Variants in OSBP2 observed in about 807,000 individuals in gnomAD.
OSBP2 encodes the protein oxysterol binding protein 2.
Under a neutral mutation model 96.0 loss-of-function variants are expected in OSBP2, and 66 were observed. The ratio of observed to expected loss-of-function variants is 0.69; its 90% CI spans 0.56 to 0.84. The LOEUF is 0.84. Among genes scored for constraint, OSBP2 ranks in the 40% least tolerant of loss-of-function variants. OSBP2 has a pLI of 0.00. For synonymous variants in OSBP2, 525 were observed against 520.9 expected, an observed-to-expected ratio of 1.01 and a Z score of -0.11; for missense variants, 1,038 against 1,222.7, an observed-to-expected ratio of 0.85 and a Z score of 2.25.
At chr22:30,730,752 CTCTCTCTCTCTCT>C (rs1486319542) in intron 1 of OSBP2, among the ~76,000 whole-genome samples, 1 of 44,566 alleles carries the variant, frequency 2.2e-5, no homozygotes, top group Non-Finnish European at 4.4e-5. Flanking sequence ...CTCTCTCTCT[CTCTCTCTCTCTCT>C]CTCTCTCTCT....
chr22:30,754,212 A>C (rs1405481886), intron 2 of OSBP2, among the ~76,000 whole-genome samples: 1 of 152,038 alleles, frequency 6.6e-6, no homozygotes, highest in Non-Finnish European at 1.5e-5. Flanking sequence ...AACTCCCTGG[A>C]TGTGTTTTCC....
intron 1 of OSBP2, 96 bp from the exon 2 acceptor site, chr22:30,741,065 G>A: frequency 1.1e-6 from 1 of 952,126 alleles, no homozygotes; most frequent in Non-Finnish European, 1.6e-6. Flanking sequence ...CCAGCTCTGA[G>A]GGTCTGAGAT....
Position 30,888,314 on chromosome 22 carries a change from C to A in OSBP2, c.1392C>A (p.Thr464=). 6.2e-7 allele frequency: 1 copy of A among 1,612,634 alleles called. No individual in the cohort carries two copies. Among genetic ancestry groups the A allele is most frequent in the Non-Finnish European group, 8.5e-7 (1 of 1,178,768 alleles). The change falls in exon 5 of 14, where the codon ACC becomes ACA. Residue 464 remains threonine, a synonymous_variant. Coordinates refer to ENST00000332585, the MANE Select transcript of OSBP2 (RefSeq NM_030758.4). ...DAMEDSTSFI[T]VITEAKEDSR... ...TGGAAGACTCCACATCCTTCATCAC[C>A]GTGATCACCGAGGCCAAGGAAGACA... is the stretch of plus-strand genomic sequence containing the variant.
At position 30,741,353 on chromosome 22, in the gene OSBP2, G is replaced by A; in HGVS notation, c.837G>A (p.Val279=). 1.2e-6 allele frequency: 2 copies of A among 1,609,774 alleles called. No homozygotes were observed. The highest frequency in any genetic ancestry group is 1.1e-5 in the South Asian group (1 of 90,954). ...LELAKAKAVR[V]MNTHSDDSGD... is the part of the protein sequence containing the mutation. ...TGGCCAAGGCCAAGGCTGTCCGCGT[G>A]ATGAACACTCATTCAGGTAGTGAGC... The change falls in exon 2 of 14, where the codon GTG becomes GTA. Residue 279 remains valine, a synonymous_variant. Coordinates refer to ENST00000332585, the MANE Select transcript of OSBP2 (RefSeq NM_030758.4).
chr22:30,843,529 AG>A (rs1283706346), intron 2 of OSBP2, among the ~76,000 whole-genome samples: 1 of 151,110 alleles, frequency 6.6e-6, no homozygotes, highest in Non-Finnish European at 1.5e-5. Flanking sequence ...GCTGTCATTC[AG>A]GCTTCATTGT....
rs539407247 is a variant in OSBP2, at chr22:30,874,194, AC to A, written c.1107+3514del. On this transcript the variant is annotated intron_variant, in intron 3 of 13. Transcript: ENST00000332585. ...AGAGGTTGCAGTGAGCCAAGATCGC[AC>A]CACTGCATTCCAAACTGAACGACAG... Among the ~76,000 whole-genome samples the A allele has an allele frequency of 5.9e-5, 9 of 152,032 alleles. 1 individual carries two copies. The East Asian group carries it at 1.7e-3, about 30-fold the overall frequency.
rs767170279 is a variant in OSBP2, at chr22:30,906,249, G to A, written c.2661G>A (p.Pro887=). The change falls in exon 14 of 14, where the codon CCG becomes CCA. Residue 887 remains proline (P), a synonymous_variant. Transcript: ENST00000332585. ...TPLWFEKRLD[P]LTGEMACVYK... ...TGTGGTTTGAGAAGAGGCTGGATCC[G>A]CTGACCGGGGAGATGGCCTGTGTGT... 3.1e-6 allele frequency: 5 copies of A among 1,614,062 alleles called. No homozygotes were observed. The highest frequency in any genetic ancestry group is 4.2e-6 in the Non-Finnish European group (5 of 1,180,038).
At chr22:30,897,888 G>A (rs559212913) in intron 12 of OSBP2, among the ~76,000 whole-genome samples, 1 of 151,704 alleles carries the variant, frequency 6.6e-6, no homozygotes, top group East Asian at 1.9e-4. Flanking sequence ...AGGCAGAGGT[G>A]GCAGTGAGCT....
chr22:30,875,229 C>G (rs940700339), intron 3 of OSBP2, among the ~76,000 whole-genome samples: 3 of 152,160 alleles, frequency 2.0e-5, no homozygotes, highest in Non-Finnish European at 4.4e-5. Context: ...CCCCCCTGCA[C>G]TCCCCTTCCA....
At chr22:30,770,615 G>A (rs2145788994) in intron 2 of OSBP2, 1 of 152,378 alleles carries the variant, frequency 6.6e-6, no homozygotes, top group South Asian at 2.1e-4. Flanking sequence ...AAACCCCGCT[G>A]AGACTGGCTG....
At chr22:30,776,293 T>C (rs1217061460) in intron 2 of OSBP2, among the ~76,000 whole-genome samples, 1 of 151,770 alleles carries the variant, frequency 6.6e-6, no homozygotes, top group Non-Finnish European at 1.5e-5. Context: ...GCCTGGCTAA[T>C]TTTTTATTTT....
chr22:30,905,275 T>C (rs2147200784), intron 12 of OSBP2, among the ~76,000 whole-genome samples: 1 of 149,344 alleles, frequency 6.7e-6, no homozygotes, highest in South Asian at 2.2e-4. Context: ...GCCTCCTGAG[T>C]AGATTACCTG....
intron 3 of OSBP2, among the ~76,000 whole-genome samples, chr22:30,875,594 A>G (rs530759337): frequency 3.6e-4 from 55 of 152,094 alleles, no homozygotes; most frequent in African/African-American, 1.3e-3. Flanking sequence ...CTGGTCTCGA[A>G]CTCCCGACTG....
intron 2 of OSBP2, among the ~76,000 whole-genome samples, chr22:30,751,399 G>A (rs1700341915): frequency 6.6e-6 from 1 of 151,780 alleles, no homozygotes; most frequent in South Asian, 2.1e-4. Context: ...CTGTCATCCA[G>A]GCTGGAGTGC....
At chr22:30,882,908 C>T (rs2039733108) in intron 3 of OSBP2, among the ~76,000 whole-genome samples, 1 of 152,172 alleles carries the variant, frequency 6.6e-6, no homozygotes, top group Non-Finnish European at 1.5e-5. Context: ...TTTGCTTTTG[C>T]TGCTGGGAAG....
rs1452868717 is a variant in OSBP2, at chr22:30,730,723, T to TCTCTCTCTCC, written c.645-10429_645-10428insCCTCTCTCTC. Among the ~76,000 whole-genome samples, 63 of 13,976 alleles carry TCTCTCTCTCC rather than the reference T, an allele frequency of 4.5e-3. 4 individuals are homozygous for TCTCTCTCTCC. Among genetic ancestry groups the TCTCTCTCTCC allele is most frequent in the Admixed American group, 7.0e-3 (6 of 858 alleles). The allele number at this position is 13,976 out of a possible 152,430, so 9.2% of individuals were successfully genotyped here. ...ATTCAGATTCGCTGCCCTGTCTCTC[T>TCTCTCTCTCC]CTCTCTCTCTCTCTCTCTCTCTCTC... is the stretch of plus-strand genomic sequence containing the variant. On this transcript the variant is annotated intron_variant, in intron 1 of 13. Coordinates refer to ENST00000332585, the MANE Select transcript of OSBP2 (RefSeq NM_030758.4).
chr22:30,817,240 A>G (rs114127798), intron 2 of OSBP2, among the ~76,000 whole-genome samples: 1,914 of 152,326 alleles, frequency 0.013, 49 homozygotes, highest in African/African-American at 0.044. Flanking sequence ...AAAGGGCTTC[A>G]TTCTTAAGAT....
chr22:30,832,665 G>C (rs1489223555), intron 2 of OSBP2, among the ~76,000 whole-genome samples: 1 of 152,190 alleles, frequency 6.6e-6, no homozygotes, highest in East Asian at 1.9e-4. Flanking sequence ...GGAAATGCCA[G>C]GCTCTTTCTG....
chr22:30,803,354 G>A (rs1014128174), intron 2 of OSBP2, among the ~76,000 whole-genome samples: 2 of 152,260 alleles, frequency 1.3e-5, no homozygotes, highest in Non-Finnish European at 1.5e-5. Context: ...GGGATAGAGG[G>A]CAGGCCCCTC....
Sources: allele counts gnomAD v4.1 joint callset (sites outside exome capture counted in the v4.1 genomes callset), GRCh38; gene constraint gnomAD v4.1.1; transcripts MANE v1.5; gene names NCBI Gene and HGNC (gene_info 2026-07-23, HGNC 2026-07-21).